Variants in ZBED6 observed in about 807,000 individuals in gnomAD.
ZBED6 encodes zinc finger BED domain-containing protein 6.
A neutral mutation model predicts 58.4 loss-of-function variants in ZBED6; 40 were observed. The observed-to-expected ratio is 0.68, with a 90% confidence interval of 0.53 to 0.89. ZBED6 has a LOEUF of 0.89. ZBED6 is among the 40% of genes least tolerant of loss of function. The pLI, the probability that ZBED6 is intolerant of heterozygous loss-of-function variation, is 0.00. For synonymous variants in ZBED6, 439 were observed against 350.6 expected, an observed-to-expected ratio of 1.25 and a Z score of -2.82; for missense variants, 1,057 against 1,003.9, an observed-to-expected ratio of 1.05 and a Z score of -0.71.
intron 1 of ZBED6, among the ~76,000 whole-genome samples, chr1:203,808,362 T>A (rs71643053): frequency 1.3e-5 from 2 of 152,346 alleles, no homozygotes; most frequent in South Asian, 4.1e-4. Flanking sequence ...CCTGAAAGTT[T>A]GTATGATTTT....
intron 1 of ZBED6, chr1:203,806,086 G>A (rs527975620): frequency 9.1e-5 from 46 of 504,586 alleles, no homozygotes; most frequent in Non-Finnish European, 1.5e-4. Context: ...GGCTTTCTGC[G>A]TAATCATATT....
At chr1:203,843,603 G>A (rs1572328944) in intron 11 of ZBED6, among the ~76,000 whole-genome samples, 1 of 152,152 alleles carries the variant, frequency 6.6e-6, no homozygotes. Context: ...TAGAATGAAA[G>A]CAGCCATATG....
At chr1:203,829,895 A>C (rs775667583) in exon 6 of ZBED6, 1 of 1,612,894 alleles carries the variant, frequency 6.2e-7, no homozygotes, top group Non-Finnish European at 8.5e-7. Flanking sequence ...ATATAAAGCA[A>C]GGTAAGAAGA....
At chr1:203,816,313 C>G (rs781506828) in intron 1 of ZBED6, among the ~76,000 whole-genome samples, 1 of 152,054 alleles carries the variant, frequency 6.6e-6, no homozygotes, top group Non-Finnish European at 1.5e-5. Context: ...TATATACATA[C>G]ATATATACAT....
At chr1:203,806,227 G>A (rs530137752) in intron 1 of ZBED6, 9 of 376,358 alleles carry the variant, frequency 2.4e-5, no homozygotes, top group African/African-American at 1.5e-4. Context: ...GCTGGGCAGC[G>A]GAGCCTTAAT....
chr1:203,830,315 T>A, intron 7 of ZBED6, 112 bp downstream of exon 7: 1 of 820,102 alleles, frequency 1.2e-6, no homozygotes, highest in South Asian at 1.8e-5. Context: ...TTCCATGGCC[T>A]GTTTGAAGTA....
intron 1 of ZBED6, among the ~76,000 whole-genome samples, chr1:203,806,830 CTTT>C (rs373591619): frequency 6.8e-5 from 8 of 117,850 alleles, no homozygotes; most frequent in Non-Finnish European, 1.2e-4. Flanking sequence ...CCTCAGGTTC[CTTT>C]TTTTTTTTTT....
At chr1:203,847,087 T>A in intron 11 of ZBED6, 97 bp from the exon 12 acceptor site, 1 of 1,283,490 alleles carries the variant, frequency 7.8e-7, no homozygotes. Context: ...AAATGATAGC[T>A]CTCTGTTGGA....
chr1:203,814,198 C>T (rs535921928), intron 1 of ZBED6, among the ~76,000 whole-genome samples: 131 of 152,240 alleles, frequency 8.6e-4, no homozygotes, highest in African/African-American at 2.9e-3. Flanking sequence ...CCCAACACAA[C>T]CCAATTCTAA....
intron 1 of ZBED6, among the ~76,000 whole-genome samples, chr1:203,815,379 C>CTTTT (rs397711285): frequency 2.1e-5 from 2 of 96,906 alleles, no homozygotes; most frequent in African/African-American, 8.3e-5. Context: ...CCACACCCAG[C>CTTTT]TTTTTTTTTT....
At position 203,833,050 on chromosome 1, in the gene ZBED6, A is replaced by G. The variant is rs565113405; in HGVS notation, c.*3511-741A>G. On this transcript the variant is annotated intron_variant, in intron 8 of 16. Coordinates refer to ENST00000550078, the Ensembl canonical transcript of ZBED6. Reference sequence around the variant, plus strand: ...GGAGTTCAAGACCAGCCTGGCCAACATGGTGAAACCCTGTCTCTACTAAAA... The same window carrying G: ...GGAGTTCAAGACCAGCCTGGCCAACGTGGTGAAACCCTGTCTCTACTAAAA... Among the ~76,000 whole-genome samples the G allele has an allele frequency of 4.2e-4, 63 of 151,752 alleles. 2 individuals are homozygous for G. The East Asian group carries it at 0.012, about 29-fold the overall frequency.
exon 1 of ZBED6, chr1:203,797,895 C>T: frequency 6.5e-7 from 1 of 1,536,124 alleles, no homozygotes; most frequent in Non-Finnish European, 8.7e-7. Context: ...ACAGATCTAT[C>T]TACCTAGTAC....
intron 8 of ZBED6, among the ~76,000 whole-genome samples, chr1:203,832,136 G>A (rs1361659271): frequency 1.3e-5 from 2 of 152,224 alleles, no homozygotes; most frequent in Non-Finnish European, 1.5e-5. Context: ...TCAGCTCACC[G>A]CAGCCTCCGT....
rs562423944 is a variant in ZBED6, at chr1:203,828,253, C to T, written c.*2874-46C>T. 8.3e-5 allele frequency: 134 copies of T among 1,610,350 alleles called. 1 individual carries two copies. The South Asian group carries it at 1.3e-3, about 16-fold the overall frequency. ...GAAAACAAACTGCCACATGAATATA[C>T]GTATCACTGTTTTATTTGAAAGCAA... On this transcript the variant is annotated intron_variant, in intron 3 of 16. Coordinates refer to ENST00000550078, the Ensembl canonical transcript of ZBED6.
chr1:203,828,456 A>C (rs1215547129), intron 4 of ZBED6, 34 bp downstream of exon 4: 3 of 1,573,866 alleles, frequency 1.9e-6, no homozygotes, highest in South Asian at 1.2e-5. Flanking sequence ...AAGAATATCA[A>C]ATGAACACCT....
chr1:203,810,579 C>A (rs975143025), intron 1 of ZBED6, among the ~76,000 whole-genome samples: 2 of 151,866 alleles, frequency 1.3e-5, no homozygotes, highest in African/African-American at 4.8e-5. Context: ...ACCACCACGC[C>A]CAGCTAATTT....
rs1469998963 is a variant in ZBED6 at position 203,797,171 on chromosome 1, CTG to C, written c.-351_-350del. ...TTGATGAAGCAGGAAGAACATGGAT[CTG>C]GGATTTGGAAGACCTGGCTTCTAGC... is the stretch of plus-strand genomic sequence containing the variant. On this transcript the variant is annotated 5_prime_UTR_variant, in exon 1 of 17. An upstream open reading frame in the 5' UTR gains an earlier in-frame stop. Transcript: ENST00000550078. The C allele has an allele frequency of 1.2e-5, 2 of 167,466 alleles. No homozygotes were observed. Among genetic ancestry groups the C allele is most frequent in the Non-Finnish European group, 1.3e-5 (1 of 78,736 alleles). 10.4% of individuals were successfully genotyped at this position (167,466 alleles called of 1,614,324 possible). A position where few individuals can be genotyped will look rare whatever the true frequency, so the allele number is the denominator to read the frequency against.
At chr1:203,848,920 T>C in intron 13 of ZBED6, among the ~76,000 whole-genome samples, 1 of 152,212 alleles carries the variant, frequency 6.6e-6, no homozygotes, top group East Asian at 1.9e-4. Flanking sequence ...AGTCTTGCTC[T>C]GTTGCCCAGG....
intron 4 of ZBED6, 114 bp from the exon 5 acceptor site, chr1:203,829,337 A>T: frequency 2.9e-6 from 3 of 1,049,434 alleles, no homozygotes; most frequent in Non-Finnish European, 4.2e-6. Context: ...GAGGAAATTT[A>T]GTATAAATGC....
Sources: gnomAD v4.1 joint callset for allele counts (sites outside exome capture counted in the v4.1 genomes callset) on GRCh38, gnomAD v4.1.1 for gene constraint, MANE v1.5 for transcripts, NCBI Gene and HGNC (gene_info 2026-07-23, HGNC 2026-07-21) for gene names.